COQ10B: variants seen among roughly 807,000 people sequenced by gnomAD.
COQ10B encodes coenzyme Q-binding protein COQ10 homolog B, mitochondrial.
Under a neutral mutation model 27.6 loss-of-function variants are expected in COQ10B, and 12 were observed. The observed-to-expected ratio is 0.43, with a 90% CI of 0.28 to 0.70. The LOEUF is 0.70. Among genes scored for constraint, COQ10B ranks in the 30% least tolerant of loss-of-function variants. COQ10B has a pLI of 0.17. For missense variants in COQ10B, 278 were observed against 288.7 expected (o/e 0.96, Z 0.27); for synonymous variants, 115 against 103.0 (o/e 1.12, Z -0.71).
chr2:197,471,185 C>T (rs774805904), intron 4 of COQ10B, among the ~76,000 whole-genome samples: 33 of 152,092 alleles, frequency 2.2e-4, no homozygotes, highest in Admixed American at 7.2e-4. Context: ...CTTTGTCACC[C>T]AGATTGGAGT....
At chr2:197,460,156 C>G (rs754847466) in intron 2 of COQ10B, 75 bp downstream of exon 2, 13 of 994,548 alleles carry the variant, frequency 1.3e-5, no homozygotes, top group South Asian at 1.9e-5. Context: ...GTGCCTCTTT[C>G]TCTCTGGATT....
intron 4 of COQ10B, among the ~76,000 whole-genome samples, chr2:197,472,668 G>T (rs1330172988): frequency 6.6e-6 from 1 of 152,094 alleles, no homozygotes; most frequent in Non-Finnish European, 1.5e-5. Flanking sequence ...ACTGGACGTG[G>T]TGGCAGGTGC....
intron 4 of COQ10B, among the ~76,000 whole-genome samples, chr2:197,472,335 G>A (rs1006611669): frequency 2.6e-5 from 4 of 152,066 alleles, no homozygotes; most frequent in African/African-American, 9.7e-5. Flanking sequence ...TTCTGTTTCT[G>A]GTTGGGCCAG....
At position 197,473,958 on chromosome 2, in the gene COQ10B, CT is replaced by C; in HGVS notation, c.*37del. On this transcript the variant is annotated 3_prime_UTR_variant, in exon 5 of 5. Transcript: ENST00000263960. ...AAGAACTGGTGCCACCTGCTTCTGA[CT>C]TTAGTTTGTTCACTTTTAGGAAGTA... The C allele has an allele frequency of 7.0e-7, 1 of 1,433,582 alleles. No homozygotes were observed. The highest frequency in any genetic ancestry group is 1.6e-5 in the South Asian group (1 of 62,476). The allele number at this position is 1,433,582 out of a possible 1,614,324, so 88.8% of individuals were successfully genotyped here. A position where few individuals can be genotyped will look rare whatever the true frequency, so the allele number is the denominator to read the frequency against.
intron 1 of COQ10B, chr2:197,454,097 GT>G (rs1232224390): frequency 1.1e-5 from 17 of 1,550,280 alleles, no homozygotes; most frequent in Non-Finnish European, 1.5e-5. Flanking sequence ...GGTCAGATGC[GT>G]TTTCCCAATT....
intron 2 of COQ10B, among the ~76,000 whole-genome samples, chr2:197,460,514 T>C (rs1475052977): frequency 1.3e-5 from 2 of 152,224 alleles, no homozygotes; most frequent in Non-Finnish European, 2.9e-5. Context: ...TTTATAAATA[T>C]TTGTTGAATG....
chr2:197,453,857 G>A (rs1350390633), intron 1 of COQ10B, 193 bp downstream of exon 1: 1 of 1,240,954 alleles, frequency 8.1e-7, no homozygotes, highest in Admixed American at 2.2e-5. Flanking sequence ...GCCCAAGGCT[G>A]TGTTCGTGGC....
chr2:197,463,851 T>C (rs1406564028), intron 3 of COQ10B, among the ~76,000 whole-genome samples: 1 of 139,724 alleles, frequency 7.2e-6, no homozygotes, highest in Non-Finnish European at 1.5e-5. Flanking sequence ...GGAGACTCAC[T>C]TGAACCCAGG....
At chr2:197,464,084 T>C (rs995837185) in intron 3 of COQ10B, among the ~76,000 whole-genome samples, 46 of 132,314 alleles carry the variant, frequency 3.5e-4, no homozygotes, top group Non-Finnish European at 6.0e-4. Context: ...CACACACATA[T>C]ATATATATAC....
At chr2:197,463,964 A>AATATATAT (rs879356506) in intron 3 of COQ10B, among the ~76,000 whole-genome samples, 2 of 28,184 alleles carry the variant, frequency 7.1e-5, no homozygotes, top group Non-Finnish European at 1.2e-4. Flanking sequence ...AAAAAAAAAA[A>AATATATAT]ATATATATAT....
intron 4 of COQ10B, among the ~76,000 whole-genome samples, chr2:197,473,394 C>CG: frequency 8.2e-6 from 1 of 121,686 alleles, no homozygotes; most frequent in Admixed American, 8.6e-5. Context: ...TCTCTACGCC[C>CG]CCCCCCACAA....
At chr2:197,471,642 C>A (rs1230110428) in intron 4 of COQ10B, among the ~76,000 whole-genome samples, 1 of 151,926 alleles carries the variant, frequency 6.6e-6, no homozygotes, top group Non-Finnish European at 1.5e-5. Context: ...GCATTATAGA[C>A]ATTAATAGGA....
At chr2:197,473,464 A>G (rs1160351595) in intron 4 of COQ10B, among the ~76,000 whole-genome samples, 25 of 137,362 alleles carry the variant, frequency 1.8e-4, no homozygotes, top group South Asian at 1.8e-3. Flanking sequence ...ATATATATAT[A>G]TGTATATATA....
rs76075608 is a variant in COQ10B, at chr2:197,464,499, A to G, written c.447+1768A>G. Among the ~76,000 whole-genome samples, 1,482 of 152,252 alleles carry G rather than the reference A, an allele frequency of 9.7e-3. 34 individuals carry two copies. Among genetic ancestry groups the G allele is most frequent in the African/African-American group, 0.033 (1,360 of 41,536 alleles). On this transcript the variant is annotated intron_variant, in intron 3 of 4. Transcript: ENST00000263960. ...GTGAAGCTAAGACCCTATCTGCCCT[A>G]TTCTTACCCTTAAAACTTCAATTCC...
At chr2:197,460,176 C>T (rs1158887244) in intron 2 of COQ10B, 95 bp downstream of exon 2, 11 of 788,884 alleles carry the variant, frequency 1.4e-5, no homozygotes, top group Non-Finnish European at 2.1e-5. Context: ...TATCTTCTTA[C>T]AGACTAAGCT....
At chr2:197,473,102 G>C (rs1365014872) in intron 4 of COQ10B, among the ~76,000 whole-genome samples, 1 of 151,946 alleles carries the variant, frequency 6.6e-6, no homozygotes, top group Non-Finnish European at 1.5e-5. Context: ...CTTTATGTAA[G>C]CTTATTGTGC....
intron 3 of COQ10B, among the ~76,000 whole-genome samples, chr2:197,464,270 T>C (rs977473450): frequency 6.6e-6 from 1 of 151,884 alleles, no homozygotes; most frequent in Non-Finnish European, 1.5e-5. Context: ...GCATATTTCT[T>C]TTGCATTCCC....
At chr2:197,470,379 C>A (rs557055135) in intron 4 of COQ10B, among the ~76,000 whole-genome samples, 16 of 152,304 alleles carry the variant, frequency 1.1e-4, no homozygotes, top group African/African-American at 3.9e-4. Flanking sequence ...AAGATACATG[C>A]CATGACTTTA....
In COQ10B at chr2:197,455,319, T is replaced by C. The variant is rs532378452; in HGVS notation, c.104+1655T>C. Reference sequence around the variant, plus strand: ...CAGTAGTTAAGATACAGAATCAACGTAGGTGTCCAACAACAGATGAATGGT... The same window carrying C: ...CAGTAGTTAAGATACAGAATCAACGCAGGTGTCCAACAACAGATGAATGGT... On this transcript the variant is annotated intron_variant, in intron 1 of 4. Coordinates refer to ENST00000263960, the MANE Select transcript of COQ10B (RefSeq NM_025147.5). 2.0e-5 allele frequency among the ~76,000 whole-genome samples: 3 copies of C among 152,238 alleles called. No homozygotes were observed. The South Asian group carries it at 6.2e-4, about 32-fold the overall frequency.
Sources: allele counts gnomAD v4.1 joint callset (sites outside exome capture counted in the v4.1 genomes callset), GRCh38; gene constraint gnomAD v4.1.1; transcripts MANE v1.5; gene names NCBI Gene and HGNC (gene_info 2026-07-23, HGNC 2026-07-21).